The following YEATS4 variants were observed in gnomAD, a reference collection of about 807,000 sequenced individuals.
YEATS4 encodes YEATS domain containing 4.
YEATS4 carries 17 observed loss-of-function variants against 30.1 expected under a neutral mutation model. The observed-to-expected ratio is 0.56, with a 90% CI of 0.39 to 0.85. The LOEUF is 0.85. Among genes scored for constraint, YEATS4 ranks in the 40% least tolerant of loss-of-function variants. YEATS4 has a pLI of 0.00. For synonymous variants in YEATS4, 85 were observed against 87.5 expected (o/e 0.97, Z 0.16); for missense variants, 142 against 268.3 (o/e 0.53, Z 3.29).
chr12:69,367,407 G>T (rs1000666078), intron 4 of YEATS4, among the ~76,000 whole-genome samples: 1 of 151,634 alleles, frequency 6.6e-6, no homozygotes, highest in Non-Finnish European at 1.5e-5. Flanking sequence ...ACACTCTGCT[G>T]CCCAGGCTGG....
chr12:69,393,706 G>C (rs981051261), downstream of YEATS4, among the ~76,000 whole-genome samples: 2 of 152,184 alleles, frequency 1.3e-5, no homozygotes, highest in Non-Finnish European at 1.5e-5. Context: ...TCTGGGGAAA[G>C]GGGATGGTAG....
At chr12:69,389,476 T>C (rs926345669) in intron 6 of YEATS4, among the ~76,000 whole-genome samples, 1 of 147,592 alleles carries the variant, frequency 6.8e-6, no homozygotes, top group African/African-American at 2.5e-5. Flanking sequence ...AAGTTTCACC[T>C]GTATATAAAT....
the YEATS4 span, among the ~76,000 whole-genome samples, chr12:69,395,968 A>G: frequency 6.6e-6 from 1 of 152,082 alleles, no homozygotes; most frequent in Admixed American, 6.5e-5. Flanking sequence ...ATTTTTAGTT[A>G]TTTTTACTTA....
intron 6 of YEATS4, among the ~76,000 whole-genome samples, chr12:69,389,462 A>C (rs1253300432): frequency 6.6e-6 from 1 of 151,688 alleles, no homozygotes; most frequent in Non-Finnish European, 1.5e-5. Flanking sequence ...AAAAAAAAAA[A>C]AAAAAGTTTC....
chr12:69,407,185 C>T, the YEATS4 span, among the ~76,000 whole-genome samples: 9 of 149,564 alleles, frequency 6.0e-5, no homozygotes, highest in African/African-American at 1.7e-4. Context: ...AGAATAGGAA[C>T]GGCTCAAGAC....
At chr12:69,427,053 A>G in the YEATS4 span, among the ~76,000 whole-genome samples, 1 of 152,190 alleles carries the variant, frequency 6.6e-6, no homozygotes, top group Non-Finnish European at 1.5e-5. Context: ...TAATGTCAAT[A>G]AAAGTTACAG....
In YEATS4 at chr12:69,370,920, A is replaced by G. The variant is rs1875614172; in HGVS notation, c.459A>G (p.Gln153=). The G allele has an allele frequency of 6.2e-7, 1 of 1,613,376 alleles. No homozygotes were observed. Among genetic ancestry groups the G allele is most frequent in the African/African-American group, 1.3e-5 (1 of 74,912 alleles). Residue 153 remains glutamine (Q), a synonymous_variant, in exon 6 of 7, where the codon CAA becomes CAG. Transcript: ENST00000247843. Reference sequence around the variant, plus strand: ...AAGACCCAACAGCAATGATGCAACAATTATTGACAACATCTCGTCAGCTAA... The same window carrying G: ...AAGACCCAACAGCAATGATGCAACAGTTATTGACAACATCTCGTCAGCTAA... The part of the protein sequence containing the change: ...IFQDPTAMMQ[Q]LLTTSRQLTL...
chr12:69,364,181 A>G (rs1875339227), intron 2 of YEATS4: 2 of 449,298 alleles, frequency 4.5e-6, no homozygotes, highest in Admixed American at 2.4e-5. Context: ...GGCTAGGCAA[A>G]ATGGCTCATT....
intron 6 of YEATS4, among the ~76,000 whole-genome samples, chr12:69,380,740 T>C (rs2121021919): frequency 6.6e-6 from 1 of 152,256 alleles, no homozygotes; most frequent in East Asian, 1.9e-4. Context: ...TTTCCTATTT[T>C]CCCTAAGTGC....
intron 6 of YEATS4, among the ~76,000 whole-genome samples, chr12:69,374,562 C>T (rs941972904): frequency 2.0e-5 from 3 of 151,992 alleles, no homozygotes; most frequent in African/African-American, 2.4e-5. Flanking sequence ...TGCTGCCTTC[C>T]CGCAGTGTTT....
chr12:69,371,716 G>A (rs1875646007), intron 6 of YEATS4, among the ~76,000 whole-genome samples: 2 of 152,208 alleles, frequency 1.3e-5, no homozygotes, highest in Middle Eastern at 3.4e-3. Context: ...TATCGTCATG[G>A]GTCCTACATT....
rs769341680 is a variant in YEATS4 at position 69,365,619 on chromosome 12, T to A, written c.172-14T>A. ...TTTGTAGATCATAAAACTAACTAAT[T>A]CCTTATATTTTAGGATATGTCAGCA... On this transcript the variant is annotated splice_polypyrimidine_tract_variant and intron_variant, in intron 2 of 6. Coordinates refer to ENST00000247843, the MANE Select transcript of YEATS4 (RefSeq NM_006530.4). 65 of 1,578,228 alleles carry A rather than the reference T, an allele frequency of 4.1e-5. No individual in the cohort carries two copies. Among genetic ancestry groups the A allele is most frequent in the Non-Finnish European group, 5.4e-5 (62 of 1,150,602 alleles).
At chr12:69,408,940 G>A in the YEATS4 span, among the ~76,000 whole-genome samples, 1 of 152,132 alleles carries the variant, frequency 6.6e-6, no homozygotes, top group African/African-American at 2.4e-5. Context: ...TTAGGTCTTA[G>A]AGAACCCCAG....
chr12:69,391,123 A>G (rs1205036675), downstream of YEATS4, among the ~76,000 whole-genome samples: 2 of 152,024 alleles, frequency 1.3e-5, no homozygotes, highest in Non-Finnish European at 1.5e-5. Context: ...GTAAAACCCC[A>G]TCTCTACTAA....
At chr12:69,381,917 C>T (rs1876095291) in intron 6 of YEATS4, among the ~76,000 whole-genome samples, 1 of 152,178 alleles carries the variant, frequency 6.6e-6, no homozygotes, top group Admixed American at 6.5e-5. Context: ...CAATTTACTA[C>T]AGTGGAGCCC....
At chr12:69,387,955 T>C (rs1468227088) in intron 6 of YEATS4, among the ~76,000 whole-genome samples, 9 of 152,208 alleles carry the variant, frequency 5.9e-5, no homozygotes, top group Non-Finnish European at 8.8e-5. Flanking sequence ...AATTACAAAG[T>C]AAAATATGAA....
chr12:69,383,645 CA>C (rs1876165082), intron 6 of YEATS4, among the ~76,000 whole-genome samples: 1 of 152,070 alleles, frequency 6.6e-6, no homozygotes, highest in Non-Finnish European at 1.5e-5. Context: ...GCTGATAGGT[CA>C]AGTAAGATGA....
rs557795714 is a variant in YEATS4, at chr12:69,374,990, G to A, written c.514+4015G>A. On this transcript the variant is annotated intron_variant, in intron 6 of 6. Coordinates refer to ENST00000247843, the MANE Select transcript of YEATS4 (RefSeq NM_006530.4). The stretch of plus-strand genomic sequence containing the variant: ...GCGCCCCCCACCTCCCAGACAGGGC[G>A]GCGGCCGGGCGGGGGCTGCCCCCAC... Among the ~76,000 whole-genome samples the A allele has an allele frequency of 1.5e-4, 16 of 105,326 alleles. No homozygotes were observed. The South Asian group carries it at 3.6e-3, about 24-fold the overall frequency. 69.1% of individuals were successfully genotyped at this position (105,326 alleles called of 152,430 possible). A position where few individuals can be genotyped will look rare whatever the true frequency, so the allele number is the denominator to read the frequency against.
chr12:69,410,302 A>G, the YEATS4 span, among the ~76,000 whole-genome samples: 7 of 152,194 alleles, frequency 4.6e-5, no homozygotes, highest in Admixed American at 3.9e-4. Context: ...TTGTACCTCA[A>G]TAGATTTGCC....
Sources: gnomAD v4.1 joint callset for allele counts (sites outside exome capture counted in the v4.1 genomes callset) on GRCh38, gnomAD v4.1.1 for gene constraint, MANE v1.5 for transcripts, NCBI Gene and HGNC (gene_info 2026-07-23, HGNC 2026-07-21) for gene names.